The following CCSER1 variants were observed in gnomAD, a reference collection of about 807,000 sequenced individuals.
The protein encoded by CCSER1 is coiled-coil serine rich protein 1.
A neutral mutation model predicts 82.0 loss-of-function variants in CCSER1; 41 were observed. The ratio of observed to expected loss-of-function variants is 0.50; its 90% CI spans 0.39 to 0.65. CCSER1 has a LOEUF of 0.65. Ranked by LOEUF, CCSER1 falls within the 30% of genes least tolerant of loss-of-function variation. The pLI is 0.00. For missense variants in CCSER1, 1,119 were observed against 1,064.2 expected (o/e 1.05, Z -0.72); for synonymous variants, 414 against 383.9 (o/e 1.08, Z -0.92).
chr4:90,207,226 T>C (rs1410371429), intron 1 of CCSER1, among the ~76,000 whole-genome samples: 1 of 152,070 alleles, frequency 6.6e-6, no homozygotes, highest in Non-Finnish European at 1.5e-5. Context: ...GATCCTGTCA[T>C]TATGATGCAT....
intron 10 of CCSER1, chr4:91,325,395 G>A: frequency 3.6e-6 from 1 of 274,216 alleles, no homozygotes; most frequent in South Asian, 3.4e-5. Flanking sequence ...ATAGATGAAA[G>A]GGAGCAAGGG....
At chr4:91,310,120 C>A (rs1354933012) in intron 10 of CCSER1, among the ~76,000 whole-genome samples, 6 of 151,936 alleles carry the variant, frequency 3.9e-5, no homozygotes, top group Non-Finnish European at 7.4e-5. Flanking sequence ...TAGAGCCCAC[C>A]TGCTAAAGCT....
At chr4:90,830,356 A>G (rs1760979099) in intron 8 of CCSER1, among the ~76,000 whole-genome samples, 1 of 152,196 alleles carries the variant, frequency 6.6e-6, no homozygotes, top group African/African-American at 2.4e-5. Flanking sequence ...TGTCATTTAA[A>G]GAATCTAAGC....
At chr4:90,902,933 G>A (rs949237722) in intron 8 of CCSER1, among the ~76,000 whole-genome samples, 1 of 151,896 alleles carries the variant, frequency 6.6e-6, no homozygotes, top group Non-Finnish European at 1.5e-5. Flanking sequence ...AAGCAGGCAG[G>A]GACATGATCC....
At chr4:90,386,429 G>A (rs907027663) in intron 3 of CCSER1, among the ~76,000 whole-genome samples, 2 of 150,112 alleles carry the variant, frequency 1.3e-5, no homozygotes. Context: ...ATGGTGCTGG[G>A]ACAATTGGAG....
At chr4:90,917,106 G>A (rs1206353582) in intron 8 of CCSER1, among the ~76,000 whole-genome samples, 1 of 152,176 alleles carries the variant, frequency 6.6e-6, no homozygotes, top group Non-Finnish European at 1.5e-5. Flanking sequence ...AGTCTGTGTG[G>A]CAATTCCTCA....
At chr4:90,609,049 A>G (rs80347372) in intron 5 of CCSER1, among the ~76,000 whole-genome samples, 6,083 of 152,236 alleles carry the variant, frequency 0.04, 169 homozygotes, top group Non-Finnish European at 0.057. Context: ...CGCCTCCAAG[A>G]TAGAATCCTG....
intron 10 of CCSER1, among the ~76,000 whole-genome samples, chr4:91,332,947 A>G (rs1223384919): frequency 6.6e-6 from 1 of 152,040 alleles, no homozygotes; most frequent in African/African-American, 2.4e-5. Flanking sequence ...AGTTTATTAA[A>G]TTCACTGTCT....
chr4:90,495,289 A>T (rs183424666), intron 5 of CCSER1, among the ~76,000 whole-genome samples: 2 of 152,308 alleles, frequency 1.3e-5, no homozygotes, highest in East Asian at 3.9e-4. Flanking sequence ...TGACTAGAGA[A>T]TAGTGCTTTA....
At chr4:91,507,992 C>CTATATA (rs749844066) in intron 10 of CCSER1, among the ~76,000 whole-genome samples, 3 of 95,694 alleles carry the variant, frequency 3.1e-5, no homozygotes, top group Admixed American at 2.0e-4. Flanking sequence ...TTAGGATTTT[C>CTATATA]TATATATATA....
At chr4:90,701,359 C>G (rs1032791760) in intron 6 of CCSER1, among the ~76,000 whole-genome samples, 1 of 152,122 alleles carries the variant, frequency 6.6e-6, no homozygotes, top group Non-Finnish European at 1.5e-5. Flanking sequence ...GTTGTGGTAT[C>G]AGTACCATGT....
chr4:91,196,178 C>CA (rs61336014), intron 10 of CCSER1, among the ~76,000 whole-genome samples: 5,576 of 60,702 alleles, frequency 0.092, 351 homozygotes, highest in African/African-American at 0.17. Flanking sequence ...AACAGCGAGA[C>CA]AAAAAAAAAA....
At chr4:90,289,037 C>G (rs181249117) in intron 1 of CCSER1, among the ~76,000 whole-genome samples, 1 of 151,878 alleles carries the variant, frequency 6.6e-6, no homozygotes, top group Non-Finnish European at 1.5e-5. Context: ...CTCCTCTCCT[C>G]CTCTCTCCCT....
intron 10 of CCSER1, among the ~76,000 whole-genome samples, chr4:91,586,689 G>T (rs1764012551): frequency 6.6e-6 from 1 of 151,754 alleles, no homozygotes; most frequent in African/African-American, 2.4e-5. Flanking sequence ...AGAAACTGAA[G>T]CAACCAAAGA....
intron 5 of CCSER1, among the ~76,000 whole-genome samples, chr4:90,571,887 T>C (rs1463839728): frequency 2.0e-5 from 3 of 152,204 alleles, no homozygotes; most frequent in African/African-American, 7.2e-5. Flanking sequence ...TTGTGTTTTA[T>C]ATCTTATATT....
intron 8 of CCSER1, among the ~76,000 whole-genome samples, chr4:90,829,635 C>A (rs1049748731): frequency 5.9e-5 from 9 of 152,018 alleles, no homozygotes; most frequent in Non-Finnish European, 1.3e-4. Context: ...AGTTTCAGAG[C>A]AGGAGTGGAA....
In CCSER1 at chr4:91,599,001, C is replaced by T; in HGVS notation, c.2647C>T (p.Leu883Phe). The change falls in exon 11 of 11, where the codon CTC (leucine) becomes TTC (phenylalanine). Residue 883 changes from leucine (L) to phenylalanine (F), a missense_variant. Coordinates refer to ENST00000509176, the MANE Select transcript of CCSER1 (RefSeq NM_001145065.2). ...CATGTACAGCAGGAAGAATGTGTTT[C>T]TCCACCACAATTTACACAGCACTGA... is the stretch of plus-strand genomic sequence containing the variant. ...LHMYSRKNVF[L>F]HHNLHSTELQ... 1 of 1,551,486 alleles carries T rather than the reference C, an allele frequency of 6.4e-7. No individual in the cohort carries two copies. Among genetic ancestry groups the T allele is most frequent in the Non-Finnish European group, 8.7e-7 (1 of 1,146,860 alleles).
chr4:90,407,754 G>T (rs1341463473), intron 4 of CCSER1, among the ~76,000 whole-genome samples: 4 of 152,156 alleles, frequency 2.6e-5, no homozygotes, highest in Non-Finnish European at 5.9e-5. Flanking sequence ...GAGGTACTGG[G>T]TTCATCTCAC....
chr4:91,063,147 A>C (rs1358332075), intron 9 of CCSER1, among the ~76,000 whole-genome samples: 1 of 152,154 alleles, frequency 6.6e-6, no homozygotes, highest in African/African-American at 2.4e-5. Context: ...ACCAAAGACG[A>C]GAAGAAGAAA....
Sources: allele counts gnomAD v4.1 joint callset (sites outside exome capture counted in the v4.1 genomes callset), GRCh38; gene constraint gnomAD v4.1.1; transcripts MANE v1.5; gene names NCBI Gene and HGNC (gene_info 2026-07-23, HGNC 2026-07-21).